TMEM74: variants seen among roughly 807,000 people sequenced by gnomAD.
The protein encoded by TMEM74 is transmembrane protein 74.
Under a neutral mutation model 18.1 loss-of-function variants are expected in TMEM74, and 13 were observed. The ratio of observed to expected loss-of-function variants is 0.72; its 90% CI spans 0.47 to 1.14. TMEM74 has a LOEUF of 1.14. Among genes scored for constraint, TMEM74 ranks in the 50% most tolerant of loss-of-function variants. The pLI is 0.00. For synonymous variants in TMEM74, 159 were observed against 146.6 expected (o/e 1.08, Z -0.61); for missense variants, 372 against 375.9 (o/e 0.99, Z 0.09).
intron 1 of TMEM74, among the ~76,000 whole-genome samples, chr8:108,724,508 G>A (rs564083609): frequency 6.6e-6 from 1 of 152,054 alleles, no homozygotes; most frequent in South Asian, 2.1e-4. Flanking sequence ...TGATAATGGT[G>A]GTAATTAAAG....
intron 1 of TMEM74, among the ~76,000 whole-genome samples, chr8:108,680,349 A>G (rs1427410947): frequency 6.6e-6 from 1 of 152,214 alleles, no homozygotes; most frequent in Non-Finnish European, 1.5e-5. Flanking sequence ...CTGAGATGCA[A>G]GGCTGGTTCA....
At chr8:108,768,587 TTG>T (rs1563547025) in intron 1 of TMEM74, among the ~76,000 whole-genome samples, 1 of 152,204 alleles carries the variant, frequency 6.6e-6, no homozygotes, top group African/African-American at 2.4e-5. Flanking sequence ...AACCCAAGTG[TTG>T]TAGACTTTCA....
chr8:108,672,105 G>A (rs948557829), intron 1 of TMEM74, among the ~76,000 whole-genome samples: 5 of 152,130 alleles, frequency 3.3e-5, no homozygotes, highest in African/African-American at 4.8e-5. Context: ...AATTTGGAGC[G>A]GGCAGGCACA....
In TMEM74 at chr8:108,766,346, G is replaced by A. The variant is rs774963219; in HGVS notation, n.119+21130C>T. Among the ~76,000 whole-genome samples the A allele has an allele frequency of 4.3e-4, 66 of 152,092 alleles. 2 individuals carry two copies. The highest frequency in any genetic ancestry group is 7.4e-5 in the Non-Finnish European group (5 of 68,006). On this transcript the variant is annotated intron_variant and non_coding_transcript_variant, in intron 1 of 3. Transcript: ENST00000518838. ...GAATGTTCTTTGTAGAGGCAATAAAGAGTTTGCTTTTTTGGCTGGGATGAC... is the reference window on the plus strand; with the variant it reads ...GAATGTTCTTTGTAGAGGCAATAAAAAGTTTGCTTTTTTGGCTGGGATGAC...
intron 1 of TMEM74, among the ~76,000 whole-genome samples, chr8:108,683,616 A>G (rs779298272): frequency 4.6e-5 from 7 of 151,986 alleles, no homozygotes; most frequent in Non-Finnish European, 1.0e-4. Context: ...AACATTGTAC[A>G]TATTCATGGG....
intron 1 of TMEM74, among the ~76,000 whole-genome samples, chr8:108,742,685 T>G (rs1299552856): frequency 6.6e-6 from 1 of 152,204 alleles, no homozygotes; most frequent in Non-Finnish European, 1.5e-5. Flanking sequence ...GTAGAAAGTG[T>G]TCTGGATTCA....
intron 2 of TMEM74, among the ~76,000 whole-genome samples, chr8:108,619,728 T>C (rs1296843249): frequency 6.6e-6 from 1 of 152,216 alleles, no homozygotes; most frequent in Non-Finnish European, 1.5e-5. Context: ...TATTTACATA[T>C]ATGCATGCTT....
chr8:108,760,890 G>C (rs1376152203), intron 1 of TMEM74, among the ~76,000 whole-genome samples: 1 of 151,944 alleles, frequency 6.6e-6, no homozygotes, highest in Non-Finnish European at 1.5e-5. Flanking sequence ...TTGGGTCATT[G>C]CTGGCTGACT....
chr8:108,730,634 C>CTTTTTTTTTTTTTTTTTTTTTTTTTTT (rs1199122765), intron 1 of TMEM74, among the ~76,000 whole-genome samples: 24 of 132,178 alleles, frequency 1.8e-4, no homozygotes, highest in African/African-American at 7.0e-4. Context: ...TGCAGACTTC[C>CTTTTTTTTTTTTTTTTTTTTTTTTTTT]TTTTTTTTTT....
chr8:108,615,167 C>T (rs528812325), intron 2 of TMEM74, among the ~76,000 whole-genome samples: 35 of 152,244 alleles, frequency 2.3e-4, no homozygotes, highest in African/African-American at 7.0e-4. Flanking sequence ...TCCCAGGAGA[C>T]GCTGAACAGC....
intron 1 of TMEM74, among the ~76,000 whole-genome samples, chr8:108,681,728 G>A (rs1813117152): frequency 6.6e-6 from 1 of 152,150 alleles, no homozygotes; most frequent in Non-Finnish European, 1.5e-5. Flanking sequence ...TGAAGAAAAT[G>A]TTCTGGAAAT....
At chr8:108,667,402 A>T (rs1297749167) in intron 1 of TMEM74, among the ~76,000 whole-genome samples, 3 of 152,196 alleles carry the variant, frequency 2.0e-5, no homozygotes, top group Admixed American at 2.0e-4. Flanking sequence ...CTACCTTTAG[A>T]TTTTAATTAG....
chr8:108,706,814 C>T (rs3019338), intron 1 of TMEM74, among the ~76,000 whole-genome samples: 31,919 of 103,662 alleles, frequency 0.31, 3,519 homozygotes, highest in East Asian at 0.45. Flanking sequence ...TGTGTGTATG[C>T]AAGCACATGC....
intron 1 of TMEM74, among the ~76,000 whole-genome samples, chr8:108,683,779 G>C (rs992951158): frequency 1.3e-5 from 2 of 151,622 alleles, no homozygotes; most frequent in African/African-American, 4.8e-5. Flanking sequence ...CCAGTCTCTG[G>C]TATCCTCTAT....
chr8:108,759,794 A>C (rs1211590051), intron 1 of TMEM74, among the ~76,000 whole-genome samples: 5 of 152,146 alleles, frequency 3.3e-5, no homozygotes, highest in Admixed American at 3.3e-4. Flanking sequence ...TTTAAATTTC[A>C]TGGTATATGC....
rs1480421190 is a variant in TMEM74, at chr8:108,780,855, T to C, written c.*3326A>G. Among the ~76,000 whole-genome samples, 1 of 152,144 alleles carries C rather than the reference T, an allele frequency of 6.6e-6. No individual in the cohort carries two copies. The highest frequency in any genetic ancestry group is 2.4e-5 in the African/African-American group (1 of 41,426). ...GTTCTTTATATGAGGGGCCAGTACA[T>C]CTTATTATGTGATCTGCTTTAAGAG... On this transcript the variant is annotated 3_prime_UTR_variant, in exon 2 of 2. Coordinates refer to ENST00000297459, the MANE Select transcript of TMEM74 (RefSeq NM_153015.3).
intron 1 of TMEM74, among the ~76,000 whole-genome samples, chr8:108,656,963 A>G (rs1812826694): frequency 1.3e-5 from 2 of 152,100 alleles, no homozygotes; most frequent in African/African-American, 2.4e-5. Flanking sequence ...AAAAAGATAA[A>G]ATTTGAAATT....
intron 2 of TMEM74, among the ~76,000 whole-genome samples, chr8:108,618,692 G>C (rs771376894): frequency 5.3e-5 from 8 of 152,180 alleles, no homozygotes; most frequent in Non-Finnish European, 8.8e-5. Context: ...AGATGACACA[G>C]AAAATGAATT....
At chr8:108,741,213 T>C (rs1274092254) in intron 1 of TMEM74, among the ~76,000 whole-genome samples, 1 of 152,156 alleles carries the variant, frequency 6.6e-6, no homozygotes, top group Non-Finnish European at 1.5e-5. Flanking sequence ...AACATGAAAT[T>C]CAGGTGGCTG....
Sources: gnomAD v4.1 joint callset for allele counts (sites outside exome capture counted in the v4.1 genomes callset) on GRCh38, gnomAD v4.1.1 for gene constraint, MANE v1.5 for transcripts, NCBI Gene and HGNC (gene_info 2026-07-23, HGNC 2026-07-21) for gene names.